PDE7A: variants seen among roughly 807,000 people sequenced by gnomAD.
PDE7A encodes the protein phosphodiesterase 7A, also known as high affinity 3',5'-cyclic-AMP phosphodiesterase 7A.
A neutral mutation model predicts 64.3 loss-of-function variants in PDE7A; 39 were observed. That is an observed-to-expected ratio of 0.61 (90% CI 0.47 to 0.79). The LOEUF (loss-of-function observed/expected upper bound fraction) is 0.79. Among genes scored for constraint, PDE7A ranks in the 30% least tolerant of loss-of-function variants. The pLI is 0.00. For synonymous variants in PDE7A, 203 were observed against 206.8 expected (o/e 0.98, Z 0.16); for missense variants, 470 against 582.8 (o/e 0.81, Z 1.99).
At chr8:65,756,861 C>G (rs550441450) in intron 3 of PDE7A, among the ~76,000 whole-genome samples, 32 of 151,910 alleles carry the variant, frequency 2.1e-4, no homozygotes, top group African/African-American at 7.5e-4. Flanking sequence ...TGGGGAAGCT[C>G]TGGAAACTGA....
intron 1 of PDE7A, among the ~76,000 whole-genome samples, chr8:65,787,583 G>GT (rs769813520): frequency 3.9e-5 from 6 of 151,904 alleles, no homozygotes; most frequent in Admixed American, 6.5e-5. Flanking sequence ...TTTTTCAACA[G>GT]TTTTTTTAAA....
At chr8:65,811,514 A>T (rs1810259659) in intron 1 of PDE7A, among the ~76,000 whole-genome samples, 1 of 152,242 alleles carries the variant, frequency 6.6e-6, no homozygotes, top group East Asian at 1.9e-4. Context: ...CACAGAGGTT[A>T]GCCTCTTTCA....
At chr8:65,814,985 G>A (rs529694735) in intron 1 of PDE7A, among the ~76,000 whole-genome samples, 1 of 152,132 alleles carries the variant, frequency 6.6e-6, no homozygotes, top group Admixed American at 6.5e-5. Context: ...GGAGGCTGAG[G>A]CAGGAGAATT....
chr8:65,794,808 C>A (rs1251805515), intron 1 of PDE7A, among the ~76,000 whole-genome samples: 9 of 152,158 alleles, frequency 5.9e-5, no homozygotes, highest in Admixed American at 5.9e-4. Context: ...TTTGTGGGGG[C>A]TACAAACAAT....
chr8:65,791,355 T>C (rs573150830), intron 1 of PDE7A, among the ~76,000 whole-genome samples: 31 of 152,354 alleles, frequency 2.0e-4, no homozygotes, highest in Admixed American at 2.0e-3. Context: ...GTAAGTGGTA[T>C]CTATAAACGA....
chr8:65,793,323 TA>T (rs1182599170), intron 1 of PDE7A, among the ~76,000 whole-genome samples: 4 of 152,080 alleles, frequency 2.6e-5, no homozygotes, highest in Non-Finnish European at 5.9e-5. Context: ...AATCTGCATA[TA>T]AAACACAATA....
At chr8:65,753,417 C>A (rs191661097) in intron 3 of PDE7A, among the ~76,000 whole-genome samples, 26 of 152,282 alleles carry the variant, frequency 1.7e-4, no homozygotes, top group Admixed American at 5.9e-4. Flanking sequence ...CCATACTGGG[C>A]CCAGAGAGAC....
chr8:65,780,566 C>T (rs1809386391), intron 2 of PDE7A, among the ~76,000 whole-genome samples: 1 of 152,122 alleles, frequency 6.6e-6, no homozygotes, highest in East Asian at 1.9e-4. Flanking sequence ...GTTTTACAGG[C>T]ATTATTTTAT....
intron 3 of PDE7A, among the ~76,000 whole-genome samples, chr8:65,769,347 T>A (rs1465838009): frequency 6.6e-6 from 1 of 151,980 alleles, no homozygotes; most frequent in Non-Finnish European, 1.5e-5. Context: ...AGAAATGACT[T>A]AACTTAAAAA....
chr8:65,752,659 A>G (rs1223105679), intron 3 of PDE7A, among the ~76,000 whole-genome samples: 1 of 152,152 alleles, frequency 6.6e-6, no homozygotes, highest in Non-Finnish European at 1.5e-5. Flanking sequence ...TTTGCCTGGT[A>G]TGTTCTTTCA....
At chr8:65,807,040 A>AT (rs1269593319) in intron 1 of PDE7A, among the ~76,000 whole-genome samples, 1 of 152,112 alleles carries the variant, frequency 6.6e-6, no homozygotes, top group East Asian at 1.9e-4. Context: ...AATTCCATAT[A>AT]TTTTTTCAAA....
At position 65,715,474 on chromosome 8, in the gene PDE7A, T is replaced by C. The variant is rs1806096618; in HGVS notation, c.*3816A>G. The stretch of plus-strand genomic sequence containing the variant: ...CTCCTTGCAACCTCCGCCACCTGGG[T>C]TCAAGCAATTCTTCCGCCTCAGCCT... On this transcript the variant is annotated 3_prime_UTR_variant, in exon 13 of 13. Coordinates refer to ENST00000401827, the MANE Select transcript of PDE7A (RefSeq NM_001242318.3). Among the ~76,000 whole-genome samples the C allele has an allele frequency of 6.7e-6, 1 of 149,976 alleles. No homozygotes were observed. Among genetic ancestry groups the C allele is most frequent in the South Asian group, 2.1e-4 (1 of 4,714 alleles).
intron 1 of PDE7A, among the ~76,000 whole-genome samples, 174 bp from the exon 2 acceptor site, chr8:65,783,017 G>A (rs994269070): frequency 1.3e-5 from 2 of 152,110 alleles, no homozygotes; most frequent in East Asian, 1.9e-4. Context: ...GTACGGGGAC[G>A]ACAAATAATT....
chr8:65,730,330 G>A (rs562334031), intron 7 of PDE7A, among the ~76,000 whole-genome samples: 28 of 151,264 alleles, frequency 1.9e-4, no homozygotes, highest in South Asian at 4.2e-4. Flanking sequence ...ACAGGCATGC[G>A]CCACCACAAC....
Position 65,724,353 on chromosome 8 carries a change from T to A in PDE7A, c.1066-2A>T. The stretch of plus-strand genomic sequence containing the variant: ...AATATCAGCACATTTCAAAGCCATC[T>A]AGCAAACAAAACATTAATATTGTTT... On this transcript the variant is annotated splice_acceptor_variant, in intron 10 of 12. Coordinates refer to ENST00000401827, the MANE Select transcript of PDE7A (RefSeq NM_001242318.3). LOFTEE classifies it high-confidence loss of function. 1 of 1,605,724 alleles carries A rather than the reference T, an allele frequency of 6.2e-7. No individual in the cohort carries two copies. Among genetic ancestry groups the A allele is most frequent in the Non-Finnish European group, 8.5e-7 (1 of 1,172,988 alleles).
intron 1 of PDE7A, among the ~76,000 whole-genome samples, chr8:65,794,587 A>G (rs1809789343): frequency 6.6e-6 from 1 of 152,254 alleles, no homozygotes; most frequent in South Asian, 2.1e-4. Flanking sequence ...GTAACTGTCC[A>G]TAATTGCCTG....
intron 9 of PDE7A, 132 bp from the exon 10 acceptor site, chr8:65,725,053 T>G (rs1033631059): frequency 3.3e-5 from 16 of 485,162 alleles, no homozygotes; most frequent in Middle Eastern, 8.7e-4. Flanking sequence ...AATTTAAAAT[T>G]TATCACACAA....
At chr8:65,747,860 C>T (rs559412022) in intron 3 of PDE7A, 57 bp from the exon 4 acceptor site, 123 of 1,028,906 alleles carry the variant, frequency 1.2e-4, no homozygotes, top group Admixed American at 6.5e-4. Context: ...CACATGCTAT[C>T]TTTGCAATAC....
chr8:65,766,213 T>C (rs925046274), intron 3 of PDE7A, among the ~76,000 whole-genome samples: 1 of 152,246 alleles, frequency 6.6e-6, no homozygotes, highest in Non-Finnish European at 1.5e-5. Context: ...CCCAAAGTGC[T>C]GGGATTACAG....
Sources: gnomAD v4.1 joint callset for allele counts (sites outside exome capture counted in the v4.1 genomes callset) on GRCh38, gnomAD v4.1.1 for gene constraint, MANE v1.5 for transcripts, NCBI Gene and HGNC (gene_info 2026-07-23, HGNC 2026-07-21) for gene names.